ROBO2: variants seen among roughly 807,000 people sequenced by gnomAD.
ROBO2 encodes roundabout homolog 2.
In ROBO2, 53 loss-of-function variants were observed where a neutral mutation model predicts 160.8. The observed-to-expected ratio is 0.33, with a 90% CI of 0.26 to 0.41. ROBO2 has a LOEUF of 0.41. Ranked by LOEUF, ROBO2 falls within the 10% of genes least tolerant of loss-of-function variation. The pLI is 1.00. For synonymous variants in ROBO2, 664 were observed against 611.7 expected (o/e 1.09, Z -1.26); for missense variants, 1,577 against 1,722.4 (o/e 0.92, Z 1.49).
intron 2 of ROBO2, among the ~76,000 whole-genome samples, chr3:76,260,063 C>T (rs2107589836): frequency 6.6e-6 from 1 of 152,018 alleles, no homozygotes; most frequent in East Asian, 1.9e-4. Context: ...TAAAAAAGTC[C>T]AGACCTAGAC....
At chr3:77,104,971 A>G (rs964341119) in intron 2 of ROBO2, among the ~76,000 whole-genome samples, 3 of 152,292 alleles carry the variant, frequency 2.0e-5, no homozygotes, top group African/African-American at 7.2e-5. Flanking sequence ...TTGAGTCTTC[A>G]CTTCATTTTC....
At chr3:77,047,860 G>A (rs2064841110) in intron 1 of ROBO2, among the ~76,000 whole-genome samples, 1 of 151,426 alleles carries the variant, frequency 6.6e-6, no homozygotes, top group African/African-American at 2.4e-5. Context: ...TGGCTAATAC[G>A]GCGAAACCCT....
chr3:76,556,169 GT>G (rs1186770987), intron 2 of ROBO2, among the ~76,000 whole-genome samples: 3 of 152,038 alleles, frequency 2.0e-5, no homozygotes, highest in Non-Finnish European at 4.4e-5. Context: ...AACTCCATAG[GT>G]TGTAGTCCTC....
At chr3:77,224,639 G>T (rs190338010) in intron 2 of ROBO2, among the ~76,000 whole-genome samples, 2 of 151,764 alleles carry the variant, frequency 1.3e-5, no homozygotes, top group African/African-American at 4.8e-5. Flanking sequence ...TTGTTTGTTT[G>T]TTTGATTTAT....
intron 2 of ROBO2, among the ~76,000 whole-genome samples, chr3:77,273,325 A>G (rs945878587): frequency 6.6e-6 from 1 of 152,194 alleles, no homozygotes; most frequent in African/African-American, 2.4e-5. Context: ...AGAAAACTAA[A>G]TGCCACATGT....
rs551678898 is a variant in ROBO2 at position 77,098,482 on chromosome 3, G to T, written c.388+142G>T. On this transcript the variant is annotated intron_variant, in intron 2 of 25. Transcript: ENST00000461745. ...TACTTGGTCTTCTTCAGAGAAGTCT[G>T]GTCAAGATAGTATCAAGCCAGGGTG... is the stretch of plus-strand genomic sequence containing the variant. The T allele has an allele frequency of 2.8e-3, 2,380 of 839,644 alleles. 17 individuals are homozygous for T. The highest frequency in any genetic ancestry group is 4.2e-3 in the Middle Eastern group (14 of 3,354). 52.0% of individuals were successfully genotyped at this position (839,644 alleles called of 1,614,324 possible).
chr3:76,544,541 G>A (rs916983077), intron 2 of ROBO2, among the ~76,000 whole-genome samples: 4 of 151,774 alleles, frequency 2.6e-5, no homozygotes, highest in South Asian at 4.2e-4. Context: ...TGCATCTATC[G>A]CTACACTTAT....
At chr3:76,093,434 G>C (rs1390418837) in intron 2 of ROBO2, among the ~76,000 whole-genome samples, 1 of 148,632 alleles carries the variant, frequency 6.7e-6, no homozygotes, top group Non-Finnish European at 1.5e-5. Context: ...TTTACTAGCA[G>C]TCACACAGGC....
chr3:76,706,679 TC>T (rs1177659460), intron 2 of ROBO2, among the ~76,000 whole-genome samples: 1 of 152,150 alleles, frequency 6.6e-6, no homozygotes, highest in Non-Finnish European at 1.5e-5. Flanking sequence ...GCAATTTTAT[TC>T]TTATTTGGAA....
intron 24 of ROBO2, 30 bp downstream of exon 25, chr3:77,635,073 T>A: frequency 6.2e-7 from 1 of 1,610,042 alleles, no homozygotes; most frequent in South Asian, 1.1e-5. Context: ...TCTTGTTTCC[T>A]CGCTGAAGAG....
At chr3:76,932,802 T>A (rs2324703) in intron 2 of ROBO2, among the ~76,000 whole-genome samples, 62,600 of 151,876 alleles carry the variant, frequency 0.41, 13,042 homozygotes, top group South Asian at 0.49. Flanking sequence ...GCAAGCACAG[T>A]CCTGAAAGCA....
At chr3:77,557,370 T>A (rs959633185) in intron 8 of ROBO2, among the ~76,000 whole-genome samples, 12 of 151,948 alleles carry the variant, frequency 7.9e-5, no homozygotes, top group African/African-American at 2.4e-4. Context: ...GATGAGCTCA[T>A]GTCACAATTT....
chr3:77,093,720 G>A (rs1466396581), intron 1 of ROBO2, among the ~76,000 whole-genome samples: 1 of 151,988 alleles, frequency 6.6e-6, no homozygotes, highest in East Asian at 1.9e-4. Context: ...AGATTGTAAA[G>A]CTGTATTTTT....
intron 2 of ROBO2, among the ~76,000 whole-genome samples, chr3:76,586,320 A>G (rs574079553): frequency 1.3e-5 from 2 of 152,280 alleles, no homozygotes; most frequent in Admixed American, 1.3e-4. Context: ...AATTTACAAG[A>G]CTATTTTCAA....
chr3:77,409,543 G>C (rs888060636), intron 2 of ROBO2, among the ~76,000 whole-genome samples: 3 of 152,062 alleles, frequency 2.0e-5, no homozygotes, highest in Non-Finnish European at 4.4e-5. Context: ...GATCCCAGCT[G>C]GGGGGATGAG....
chr3:76,036,340 G>A (rs889007370), intron 2 of ROBO2, among the ~76,000 whole-genome samples: 1 of 151,654 alleles, frequency 6.6e-6, no homozygotes, highest in Non-Finnish European at 1.5e-5. Flanking sequence ...AGTAGAGATG[G>A]GGTTTCACCA....
chr3:76,244,309 G>A (rs979871646), intron 2 of ROBO2, among the ~76,000 whole-genome samples: 3 of 152,166 alleles, frequency 2.0e-5, no homozygotes, highest in African/African-American at 7.2e-5. Context: ...TAGGGGTGAT[G>A]AAGTAATTTG....
At chr3:76,927,643 T>C (rs1481003067) in intron 2 of ROBO2, among the ~76,000 whole-genome samples, 1 of 152,202 alleles carries the variant, frequency 6.6e-6, no homozygotes, top group African/African-American at 2.4e-5. Flanking sequence ...AAATAAAGTA[T>C]AGCTTATATT....
At chr3:76,568,442 C>G (rs1367368737) in intron 2 of ROBO2, among the ~76,000 whole-genome samples, 3 of 149,242 alleles carry the variant, frequency 2.0e-5, no homozygotes, top group African/African-American at 4.9e-5. Flanking sequence ...GGACCACAGG[C>G]GCTGCCACCA....
Sources: allele counts gnomAD v4.1 joint callset (sites outside exome capture counted in the v4.1 genomes callset), GRCh38; gene constraint gnomAD v4.1.1; transcripts MANE v1.5; gene names NCBI Gene and HGNC (gene_info 2026-07-23, HGNC 2026-07-21).